The following USP35 variants were observed in gnomAD, a reference collection of about 807,000 sequenced individuals.
USP35 encodes the protein ubiquitin carboxyl-terminal hydrolase 35.
USP35 carries 69 observed loss-of-function variants against 83.8 expected under a neutral mutation model. The ratio of observed to expected loss-of-function variants is 0.82; its 90% CI spans 0.68 to 1.01. USP35 has a LOEUF of 1.01. Ranked by LOEUF, USP35 falls within the 50% of genes least tolerant of loss-of-function variation. The probability of loss-of-function intolerance (pLI) is 0.00; values close to 1 mark genes in which losing one functional copy is unlikely to be tolerated. For missense variants in USP35, 1,503 were observed against 1,362.5 expected, an observed-to-expected ratio of 1.10 and a Z score of -1.62; for synonymous variants, 714 against 589.5, an observed-to-expected ratio of 1.21 and a Z score of -3.06.
At chr11:78,200,315 G>A in intron 5 of USP35, 81 bp downstream of exon 5, 1 of 1,504,430 alleles carries the variant, frequency 6.6e-7, no homozygotes, top group Non-Finnish European at 9.2e-7. Flanking sequence ...CCCCTGGTAA[G>A]GGCCCTGCCT....
intron 5 of USP35, 80 bp from the exon 6 acceptor site, chr11:78,200,570 C>G: frequency 2.0e-6 from 3 of 1,526,022 alleles, no homozygotes; most frequent in Non-Finnish European, 1.8e-6. Context: ...GAGAGTGTTG[C>G]GTGCTGTCAG....
At position 78,196,154 on chromosome 11, in the gene USP35, A is replaced by C. The variant is rs1863135832; in HGVS notation, c.-10-82A>C. On this transcript the variant is annotated intron_variant, in intron 1 of 10. Coordinates refer to ENST00000529308, the MANE Select transcript of USP35 (RefSeq NM_020798.4). The surrounding 1 kb of genome is among the most constrained non-coding windows in gnomAD (Gnocchi z 4.8). ...CAGAAAGTTTGAGTTGCTTGCCCTA[A>C]GTCTCAGCACTCGGGGACTGCACCG... 2.0e-6 allele frequency: 3 copies of C among 1,466,354 alleles called. No individual in the cohort carries two copies. In the Admixed American group the frequency reaches 7.5e-5, roughly 37 times the overall value. The allele number at this position is 1,466,354 out of a possible 1,614,324, so 90.8% of individuals were successfully genotyped here.
chr11:78,207,431 G>C lies in USP35; in HGVS notation c.1392-99G>C, dbSNP rs1284333073. The stretch of plus-strand genomic sequence containing the variant: ...GTCTTGGGGCAGAAATGTCTGTTCT[G>C]CCTTTGGCCTAGAGGCTCTGGGCTG... On this transcript the variant is annotated intron_variant, in intron 7 of 10. Coordinates refer to ENST00000529308, the MANE Select transcript of USP35 (RefSeq NM_020798.4). 16 of 1,186,892 alleles carry C rather than the reference G, an allele frequency of 1.3e-5. No homozygotes were observed. The East Asian group carries it at 3.1e-4, about 23-fold the overall frequency. 73.5% of individuals were successfully genotyped at this position (1,186,892 alleles called of 1,614,324 possible).
At chr11:78,223,065 C>T in the USP35 span, among the ~76,000 whole-genome samples, 3 of 152,202 alleles carry the variant, frequency 2.0e-5, no homozygotes, top group Non-Finnish European at 4.4e-5. Context: ...CTATCTCTGC[C>T]TAGCTATCCT....
intron 5 of USP35, 127 bp downstream of exon 5, chr11:78,200,361 G>C: frequency 8.7e-7 from 1 of 1,154,406 alleles, no homozygotes; most frequent in Non-Finnish European, 1.3e-6. Flanking sequence ...TCACTTGGCT[G>C]AGGCCAAGCA....
intron 6 of USP35, 49 bp downstream of exon 6, chr11:78,200,857 C>A: frequency 6.5e-7 from 1 of 1,540,206 alleles, no homozygotes; most frequent in Non-Finnish European, 8.8e-7. Context: ...GACAAAGGTA[C>A]CAGTGTGGGC....
rs2134411278 is a variant in USP35 at position 78,208,949 on chromosome 11, G to A, written c.1578G>A (p.Lys526=). The A allele has an allele frequency of 1.9e-6, 3 of 1,614,182 alleles. No homozygotes were observed. The South Asian group carries it at 3.3e-5, about 18-fold the overall frequency. Residue 526 remains lysine (K), a synonymous_variant, in exon 9 of 11, where the codon AAG becomes AAA. Coordinates refer to ENST00000529308, the MANE Select transcript of USP35 (RefSeq NM_020798.4). ...GTQQDCSEYL[K]YLLDRLHEEE... ...AGCAGGACTGCTCGGAGTATCTGAAGTACCTGCTGGATCGGTAAGGGGGCC... is the reference window on the plus strand; with the variant it reads ...AGCAGGACTGCTCGGAGTATCTGAAATACCTGCTGGATCGGTAAGGGGGCC...
chr11:78,210,552 C>T lies in USP35; in HGVS notation c.2697C>T (p.Ser899=). The change falls in exon 10 of 11, where the codon TCC becomes TCT. Residue 899 remains serine, a synonymous_variant. Coordinates refer to ENST00000529308, the MANE Select transcript of USP35 (RefSeq NM_020798.4). ...QWYLFNDTRV[S]FSSFESVSNV... ...ACCTGTTCAATGACACTCGGGTGTC[C>T]TTCTCTTCCTTCGAATCTGTCAGCA... 6.2e-7 allele frequency: 1 copy of T among 1,612,958 alleles called. No individual in the cohort carries two copies. Among genetic ancestry groups the T allele is most frequent in the Non-Finnish European group, 8.5e-7 (1 of 1,178,998 alleles).
At chr11:78,233,764 G>A in the USP35 span, among the ~76,000 whole-genome samples, 2 of 152,108 alleles carry the variant, frequency 1.3e-5, no homozygotes, top group Non-Finnish European at 1.5e-5. Flanking sequence ...GCACATCCAC[G>A]CCTGTCTAAT....
downstream of USP35, chr11:78,217,256 T>TTG (rs1864193974): frequency 6.6e-6 from 1 of 152,332 alleles, no homozygotes; most frequent in African/African-American, 2.4e-5. Context: ...CTTTTTCTGA[T>TTG]TGTGGCTATC....
At chr11:78,209,349 A>G (rs917703798) in intron 9 of USP35, 99 bp from the exon 10 acceptor site, 7 of 1,293,418 alleles carry the variant, frequency 5.4e-6, no homozygotes, top group Admixed American at 5.5e-5. Flanking sequence ...GTGCGTCTCA[A>G]TGTGTGGCTG....
At chr11:78,192,989 C>T (rs1009414375) in intron 1 of USP35, among the ~76,000 whole-genome samples, 1 of 152,026 alleles carries the variant, frequency 6.6e-6, no homozygotes, top group Admixed American at 6.5e-5. Flanking sequence ...GATGCCAGTG[C>T]CTCATGGATT....
rs904275353 is a variant in USP35 at position 78,214,990 on chromosome 11, G to GTGAT, written c.*1178_*1181dup. ...CCTCCTTCCCCAGGGGCTGCCTGCT[G>GTGAT]TGATGGTGGTGTGGAGTTTGGGCCC... is the stretch of plus-strand genomic sequence containing the variant. On this transcript the variant is annotated 3_prime_UTR_variant, in exon 11 of 11. Coordinates refer to ENST00000529308, the MANE Select transcript of USP35 (RefSeq NM_020798.4). Among the ~76,000 whole-genome samples, 27 of 152,236 alleles carry GTGAT rather than the reference G, an allele frequency of 1.8e-4. No homozygotes were observed. The highest frequency in any genetic ancestry group is 6.8e-3 in the Middle Eastern group (2 of 294).
chr11:78,197,571 T>G (rs755101588), intron 2 of USP35, among the ~76,000 whole-genome samples: 8 of 152,006 alleles, frequency 5.3e-5, no homozygotes, highest in Non-Finnish European at 8.8e-5. Context: ...GAGAAGGAAA[T>G]GGTCTTTCTC....
Position 78,196,373 on chromosome 11 carries a change from C to G in USP35, c.128C>G (p.Ala43Gly). 1.3e-6 allele frequency: 2 copies of G among 1,509,138 alleles called. No individual in the cohort carries two copies. The highest frequency in any genetic ancestry group is 1.8e-6 in the Non-Finnish European group (2 of 1,142,322). The allele number at this position is 1,509,138 out of a possible 1,614,324, so 93.5% of individuals were successfully genotyped here. Residue 43 changes from alanine to glycine, a missense_variant, in exon 2 of 11, where the codon GCG becomes GGG. By Grantham distance (60) the Ala-to-Gly change is moderately conservative. Transcript: ENST00000529308. This position sits in a 1 kb window ranked among gnomAD's most constrained non-coding sequence, Gnocchi z 4.8. ...CGTGAGCAGTGCCTGGCGCTGCTGGCGCTGGGCGCGCGCCTCTACGTGGGC... is the reference window on the plus strand; with the variant it reads ...CGTGAGCAGTGCCTGGCGCTGCTGGGGCTGGGCGCGCGCCTCTACGTGGGC... Reference protein sequence around the residue: ...LEREQCLALLALGARLYVGGA... With the variant: ...LEREQCLALLGLGARLYVGGA...
intron 10 of USP35, 83 bp from the exon 11 acceptor site, chr11:78,213,563 T>C (rs986041196): frequency 2.9e-5 from 40 of 1,386,226 alleles, no homozygotes; most frequent in Non-Finnish European, 3.5e-5. Flanking sequence ...GAGGAAACAT[T>C]GAAAGGTGTT....
At chr11:78,226,017 G>T in the USP35 span, among the ~76,000 whole-genome samples, 6 of 152,338 alleles carry the variant, frequency 3.9e-5, no homozygotes, top group Admixed American at 2.0e-4. Context: ...CAACCAAAGA[G>T]ATTCAAGTAT....
At chr11:78,220,233 C>G in the USP35 span, 3 of 1,420,252 alleles carry the variant, frequency 2.1e-6, no homozygotes, top group South Asian at 3.6e-5. Flanking sequence ...TGCTGCTGTT[C>G]AGTGTTGAAG....
rs1335804763 is a variant in USP35 at position 78,214,959 on chromosome 11, T to TACC, written c.*1147_*1149dup. Among the ~76,000 whole-genome samples, 67 of 152,240 alleles carry TACC rather than the reference T, an allele frequency of 4.4e-4. No individual in the cohort carries two copies. Among genetic ancestry groups the TACC allele is most frequent in the African/African-American group, 1.5e-3 (63 of 41,540 alleles). ...ACCTGGGAGGCAGCTCTCAAGCCTTTACCTACCTCCTTCCCCAGGGGCTGC... is the reference window on the plus strand; with the variant it reads ...ACCTGGGAGGCAGCTCTCAAGCCTTTACCACCTACCTCCTTCCCCAGGGGCTGC... On this transcript the variant is annotated 3_prime_UTR_variant, in exon 11 of 11. Transcript: ENST00000529308.
Sources: gnomAD v4.1 joint callset for allele counts (sites outside exome capture counted in the v4.1 genomes callset) on GRCh38, gnomAD v4.1.1 for gene constraint, Gnocchi (gnomAD v3.1) non-coding constraint, MANE v1.5 for transcripts, NCBI Gene and HGNC (gene_info 2026-07-23, HGNC 2026-07-21) for gene names.